The following CSMD1 variants were observed in gnomAD, a reference collection of about 807,000 sequenced individuals.
CSMD1 encodes CUB and sushi domain-containing protein 1.
A neutral mutation model predicts 417.5 loss-of-function variants in CSMD1; 213 were observed. That is an observed-to-expected ratio of 0.51 (90% CI 0.46 to 0.57). The LOEUF is 0.57. CSMD1 is among the 20% of genes least tolerant of loss of function. The probability of loss-of-function intolerance (pLI) is 0.00; values close to 1 mark genes in which losing one functional copy is unlikely to be tolerated. For missense variants in CSMD1, 6,923 were observed against 4,529.7 expected, an observed-to-expected ratio of 1.53 and a Z score of -15.17; for synonymous variants, 2,862 against 1,736.8, an observed-to-expected ratio of 1.65 and a Z score of -16.11.
intron 5 of CSMD1, among the ~76,000 whole-genome samples, chr8:3,772,167 C>CATATATATATATATATAT (rs375018980): frequency 1.3e-4 from 6 of 44,868 alleles, no homozygotes; most frequent in South Asian, 8.7e-4. Context: ...GAAAGGGCAA[C>CATATATATATATATATAT]ATATATATAT....
chr8:4,301,484 C>G (rs945260308), intron 3 of CSMD1, among the ~76,000 whole-genome samples: 4 of 152,180 alleles, frequency 2.6e-5, no homozygotes, highest in Non-Finnish European at 5.9e-5. Flanking sequence ...CTTGATGCCA[C>G]TTGCATAAGA....
chr8:3,802,935 G>T (rs1051908744), intron 5 of CSMD1, among the ~76,000 whole-genome samples: 3 of 152,212 alleles, frequency 2.0e-5, no homozygotes, highest in South Asian at 2.1e-4. Context: ...ACCTACAAAA[G>T]AAAGACTTGA....
chr8:4,261,443 C>T (rs761097410), intron 3 of CSMD1, among the ~76,000 whole-genome samples: 1 of 152,176 alleles, frequency 6.6e-6, no homozygotes, highest in African/African-American at 2.4e-5. Context: ...TCAAAGTTTA[C>T]AAACTTCCAG....
chr8:3,510,281 C>T (rs1797008954), intron 10 of CSMD1, among the ~76,000 whole-genome samples: 1 of 151,872 alleles, frequency 6.6e-6, no homozygotes, highest in South Asian at 2.1e-4. Flanking sequence ...CCAGGCTTCT[C>T]ACTCCACATG....
At chr8:3,830,967 G>A (rs1027459129) in intron 5 of CSMD1, among the ~76,000 whole-genome samples, 3 of 152,032 alleles carry the variant, frequency 2.0e-5, no homozygotes, top group African/African-American at 4.8e-5. Context: ...CACCTAGGAC[G>A]ATTAACACAT....
intron 26 of CSMD1, among the ~76,000 whole-genome samples, chr8:3,267,116 C>A (rs1450247920): frequency 6.6e-6 from 1 of 152,112 alleles, no homozygotes; most frequent in Non-Finnish European, 1.5e-5. Flanking sequence ...GAGAAAGAGG[C>A]TTCCACCCAG....
At chr8:4,144,731 C>T (rs2131029562) in intron 3 of CSMD1, among the ~76,000 whole-genome samples, 1 of 151,200 alleles carries the variant, frequency 6.6e-6, no homozygotes, top group Middle Eastern at 3.4e-3. Flanking sequence ...TTGACCTCTT[C>T]CAACTTTCTA....
At chr8:4,862,629 C>T (rs376028840) in intron 1 of CSMD1, among the ~76,000 whole-genome samples, 2 of 152,042 alleles carry the variant, frequency 1.3e-5, no homozygotes, top group Non-Finnish European at 1.5e-5. Flanking sequence ...TAGAGAAAAA[C>T]AGAAACCAAG....
intron 2 of CSMD1, among the ~76,000 whole-genome samples, chr8:4,541,574 C>T (rs940080807): frequency 7.2e-5 from 11 of 151,732 alleles, no homozygotes; most frequent in African/African-American, 2.4e-4. Flanking sequence ...ATGGTAAAAC[C>T]CTGTCTGTAC....
chr8:4,625,680 C>A (rs2724958), intron 2 of CSMD1, among the ~76,000 whole-genome samples: 97,612 of 151,848 alleles, frequency 0.64, 31,863 homozygotes, highest in Middle Eastern at 0.77. Flanking sequence ...CCTAAGCAAG[C>A]AAATATAATG....
At chr8:4,798,628 A>G (rs564328774) in intron 1 of CSMD1, among the ~76,000 whole-genome samples, 69 of 152,166 alleles carry the variant, frequency 4.5e-4, no homozygotes, top group Non-Finnish European at 7.9e-4. Context: ...AAATTCGTCT[A>G]AAACCTGGTC....
rs112057499 is a variant in CSMD1 at position 4,791,487 on chromosome 8, C to T, written c.86-153929G>A. Reference sequence around the variant, plus strand: ...AGTGAACCTAATTTTCTCACCACAGCGCTCAAGGAGTAACAAACAATCCAA... The same window carrying T: ...AGTGAACCTAATTTTCTCACCACAGTGCTCAAGGAGTAACAAACAATCCAA... On this transcript the variant is annotated intron_variant, in intron 1 of 69. Transcript: ENST00000635120. Among the ~76,000 whole-genome samples, 683 of 152,246 alleles carry T rather than the reference C, an allele frequency of 4.5e-3. 9 individuals are homozygous for T. Among genetic ancestry groups the T allele is most frequent in the African/African-American group, 0.013 (545 of 41,524 alleles).
In CSMD1 at chr8:3,396,236, C is replaced by G; in HGVS notation, c.2551G>C (p.Asp851His). The change falls in exon 17 of 70, where the codon GAC becomes CAC. Residue 851 changes from aspartate (D) to histidine (H), a missense_variant. By Grantham distance (81) the Asp-to-His change is moderately conservative. Coordinates refer to ENST00000635120, the MANE Select transcript of CSMD1 (RefSeq NM_033225.6). The stretch of plus-strand genomic sequence containing the variant: ...AAGCCGATGCTGGAGCGGCTGTTGT[C>G]AGTGGTGAACAGCAGGTACATGAAG... ...GNFMYLLFTT[D>H]NSRSSIGFLI... 1 of 1,574,140 alleles carries G rather than the reference C, an allele frequency of 6.4e-7. No individual in the cohort carries two copies. Among genetic ancestry groups the G allele is most frequent in the Non-Finnish European group, 8.6e-7 (1 of 1,159,788 alleles).
In CSMD1 at chr8:3,106,660, C is replaced by A; in HGVS notation, c.6836-19G>T. The stretch of plus-strand genomic sequence containing the variant: ...AAATCTCCTAGAAGAGTCAATGCAA[C>A]AAACCAGGAAATTGTGTGTGACCTT... On this transcript the variant is annotated intron_variant, in intron 45 of 69. Coordinates refer to ENST00000635120, the MANE Select transcript of CSMD1 (RefSeq NM_033225.6). The A allele has an allele frequency of 6.6e-7, 1 of 1,514,928 alleles. No individual in the cohort carries two copies. Among genetic ancestry groups the A allele is most frequent in the Non-Finnish European group, 9.2e-7 (1 of 1,092,424 alleles). 93.8% of individuals were successfully genotyped at this position (1,514,928 alleles called of 1,614,324 possible).
At chr8:3,271,319 A>T (rs948072964) in intron 26 of CSMD1, among the ~76,000 whole-genome samples, 1 of 151,878 alleles carries the variant, frequency 6.6e-6, no homozygotes, top group Non-Finnish European at 1.5e-5. Flanking sequence ...TTCTTAATCC[A>T]GTCTATCATT....
At chr8:3,766,889 C>T (rs752742163) in intron 5 of CSMD1, among the ~76,000 whole-genome samples, 9 of 152,152 alleles carry the variant, frequency 5.9e-5, no homozygotes, top group Non-Finnish European at 1.2e-4. Flanking sequence ...ACTTGATAGA[C>T]TGACGCAGAC....
chr8:3,664,609 T>C (rs1798589563), intron 7 of CSMD1, among the ~76,000 whole-genome samples: 1 of 152,244 alleles, frequency 6.6e-6, no homozygotes. Context: ...TATTATTCTG[T>C]CTGTCTCCCC....
chr8:3,168,902 T>G (rs1462281621), intron 37 of CSMD1, among the ~76,000 whole-genome samples: 3 of 149,894 alleles, frequency 2.0e-5, no homozygotes, highest in African/African-American at 7.3e-5. Context: ...CAAAATACCT[T>G]TAGGGGAAGT....
In CSMD1 at chr8:3,083,608, TTTTATATATATATA is replaced by T. The variant is rs1243546531; in HGVS notation, c.7474+3475_7474+3488del. Among the ~76,000 whole-genome samples, 188 of 44,918 alleles carry T rather than the reference TTTTATATATATATA, an allele frequency of 4.2e-3. 9 individuals carry two copies. The highest frequency in any genetic ancestry group is 8.5e-3 in the South Asian group (8 of 940). 29.5% of individuals were successfully genotyped at this position (44,918 alleles called of 152,430 possible). On this transcript the variant is annotated intron_variant, in intron 49 of 69. Transcript: ENST00000635120. ...CATCCACGGTGACAGTTACCATAAT[TTTTATATATATATA>T]TATATATATATATATATATATATAT...
Sources: gnomAD v4.1 joint callset for allele counts (sites outside exome capture counted in the v4.1 genomes callset) on GRCh38, gnomAD v4.1.1 for gene constraint, MANE v1.5 for transcripts, NCBI Gene and HGNC (gene_info 2026-07-23, HGNC 2026-07-21) for gene names.